CDH4: variants seen among roughly 807,000 people sequenced by gnomAD.
CDH4 encodes cadherin-4.
A neutral mutation model predicts 86.0 loss-of-function variants in CDH4; 33 were observed. The ratio of observed to expected loss-of-function variants is 0.38; its 90% confidence interval spans 0.29 to 0.51. The LOEUF (loss-of-function observed/expected upper bound fraction) is 0.51, where lower values mean the gene tolerates loss of function less well. CDH4 is among the 20% of genes least tolerant of loss of function. CDH4 has a pLI of 0.86. For missense variants in CDH4, 1,114 were observed against 1,307.4 expected (o/e 0.85, Z 2.28); for synonymous variants, 555 against 549.4 (o/e 1.01, Z -0.14).
intron 5 of CDH4, among the ~76,000 whole-genome samples, 182 bp from the exon 6 acceptor site, chr20:61,852,572 G>A (rs771715833): frequency 4.6e-5 from 7 of 152,124 alleles, no homozygotes; most frequent in African/African-American, 9.7e-5. Flanking sequence ...CCTGACCCCC[G>A]TTTCTGCAGA....
rs76203398 is a variant in CDH4, at chr20:61,803,712, G to T, written c.576+30530G>T. ...TCCCCAAGGGAGGTTGGAAGGAAAC[G>T]TTCAACTGTGTGCTTCCCAGAGCCC... is the stretch of plus-strand genomic sequence containing the variant. On this transcript the variant is annotated intron_variant, in intron 4 of 15. Transcript: ENST00000614565. Among the ~76,000 whole-genome samples the T allele has an allele frequency of 7.3e-3, 1,114 of 152,348 alleles. 11 individuals are homozygous for T. Among genetic ancestry groups the T allele is most frequent in the African/African-American group, 0.025 (1,058 of 41,582 alleles).
rs573310705 is a variant in CDH4, at chr20:61,734,463, G to A, written c.170-9100G>A. Reference sequence around the variant, plus strand: ...AGAAAAGCACCGTGGCAGTGCGCTTGTGACATGCTTTGCATTGGGGCATCT... The same window carrying A: ...AGAAAAGCACCGTGGCAGTGCGCTTATGACATGCTTTGCATTGGGGCATCT... On this transcript the variant is annotated intron_variant, in intron 2 of 15. Transcript: ENST00000614565. 7.0e-4 allele frequency among the ~76,000 whole-genome samples: 106 copies of A among 152,370 alleles called. 3 individuals carry two copies. The South Asian group carries it at 0.021, about 30-fold the overall frequency.
At chr20:61,395,466 AAC>A (rs781171861) in intron 2 of CDH4, among the ~76,000 whole-genome samples, 2 of 152,274 alleles carry the variant, frequency 1.3e-5, no homozygotes, top group Non-Finnish European at 2.9e-5. Flanking sequence ...ACCATGACAT[AAC>A]ATATGCATAG....
intron 2 of CDH4, among the ~76,000 whole-genome samples, chr20:61,590,881 G>GGA (rs1568700986): frequency 6.6e-5 from 10 of 152,106 alleles, no homozygotes; most frequent in African/African-American, 1.9e-4. Flanking sequence ...ATCTATGGGG[G>GGA]GGGGGGTCCC....
intron 2 of CDH4, among the ~76,000 whole-genome samples, chr20:61,539,429 G>T (rs2086022700): frequency 6.6e-6 from 1 of 152,176 alleles, no homozygotes; most frequent in Admixed American, 6.5e-5. Context: ...TCTCTCCTTG[G>T]CTTGTAGATG....
At chr20:61,331,442 A>G (rs1414395625) in intron 2 of CDH4, among the ~76,000 whole-genome samples, 2 of 151,856 alleles carry the variant, frequency 1.3e-5, no homozygotes, top group Non-Finnish European at 2.9e-5. Context: ...CCATCTCCTC[A>G]CTGTGTCTGT....
chr20:61,905,362 C>G (rs778671765), intron 8 of CDH4, among the ~76,000 whole-genome samples: 1 of 152,230 alleles, frequency 6.6e-6, no homozygotes, highest in Non-Finnish European at 1.5e-5. Context: ...AGGGAATGGA[C>G]GCAGAGAGCG....
chr20:61,489,698 T>C (rs1423438651), intron 2 of CDH4, among the ~76,000 whole-genome samples: 1 of 152,228 alleles, frequency 6.6e-6, no homozygotes, highest in Non-Finnish European at 1.5e-5. Context: ...AGCAATTTCA[T>C]CTTCTCAGCA....
chr20:61,535,716 T>G (rs111289137), intron 2 of CDH4, among the ~76,000 whole-genome samples: 13,677 of 151,888 alleles, frequency 0.09, 819 homozygotes, highest in East Asian at 0.34. Flanking sequence ...CCCCTGAGCC[T>G]CCATGGGGAG....
chr20:61,383,388 AATATATGATATATATGAATATATATGAT>A (rs2084921058), intron 2 of CDH4, among the ~76,000 whole-genome samples: 3 of 66,226 alleles, frequency 4.5e-5, no homozygotes, highest in Admixed American at 1.4e-4. Flanking sequence ...GATATATATG[AATATATGATATATATGAATATATATGAT>A]ATATATGATA....
intron 2 of CDH4, among the ~76,000 whole-genome samples, chr20:61,511,714 C>A (rs889419597): frequency 1.3e-5 from 2 of 152,210 alleles, no homozygotes; most frequent in African/African-American, 4.8e-5. Context: ...GAGTGTCTGG[C>A]AGAGGTTTAA....
chr20:61,850,193 C>T (rs1009890029), intron 5 of CDH4, among the ~76,000 whole-genome samples: 2 of 152,220 alleles, frequency 1.3e-5, no homozygotes, highest in African/African-American at 4.8e-5. Context: ...CTGTCATCTT[C>T]CGAAAGTTTT....
chr20:61,760,858 A>G (rs6061805), intron 3 of CDH4, among the ~76,000 whole-genome samples: 10,910 of 152,302 alleles, frequency 0.072, 474 homozygotes, highest in South Asian at 0.2. Context: ...TAAGAAAAAA[A>G]TCCACTAAGT....
chr20:61,845,053 T>G (rs1254994183), intron 5 of CDH4, among the ~76,000 whole-genome samples: 1 of 152,116 alleles, frequency 6.6e-6, no homozygotes, highest in Non-Finnish European at 1.5e-5. Context: ...AAACTGCATT[T>G]CACACACTCC....
intron 4 of CDH4, among the ~76,000 whole-genome samples, chr20:61,835,837 C>T (rs1399222132): frequency 6.6e-6 from 1 of 152,190 alleles, no homozygotes; most frequent in Non-Finnish European, 1.5e-5. Context: ...GTCAGGTCGC[C>T]CTCTGGTCAG....
At position 61,934,046 on chromosome 20, in the gene CDH4, C is replaced by T; in HGVS notation, c.2380-10C>T. ...TGATGCCCCTGACTCCTCCCGGCTC[C>T]CTCCCCCAGGACTACGACCTCAGCC... On this transcript the variant is annotated splice_polypyrimidine_tract_variant and intron_variant, in intron 14 of 15. Transcript: ENST00000614565. 6.2e-7 allele frequency: 1 copy of T among 1,610,518 alleles called. No individual in the cohort carries two copies. Among genetic ancestry groups the T allele is most frequent in the Non-Finnish European group, 8.5e-7 (1 of 1,179,690 alleles).
At chr20:61,806,444 C>T (rs766251943) in intron 4 of CDH4, among the ~76,000 whole-genome samples, 2 of 152,220 alleles carry the variant, frequency 1.3e-5, no homozygotes, top group Non-Finnish European at 1.5e-5. Context: ...TTTGTGCGGC[C>T]GTGCACACCC....
intron 2 of CDH4, among the ~76,000 whole-genome samples, chr20:61,616,301 C>T (rs1440222009): frequency 3.9e-5 from 6 of 152,264 alleles, no homozygotes; most frequent in South Asian, 2.1e-4. Context: ...CTGTGTGGGG[C>T]GGGTGGAGGT....
chr20:61,783,217 GAAGGCT>G (rs1364485205), intron 4 of CDH4, among the ~76,000 whole-genome samples: 1 of 152,226 alleles, frequency 6.6e-6, no homozygotes, highest in East Asian at 1.9e-4. Context: ...CAATGATTCT[GAAGGCT>G]TCTTCCAAAT....
Sources: gnomAD v4.1 joint callset for allele counts (sites outside exome capture counted in the v4.1 genomes callset) on GRCh38, gnomAD v4.1.1 for gene constraint, MANE v1.5 for transcripts, NCBI Gene and HGNC (gene_info 2026-07-23, HGNC 2026-07-21) for gene names.